The following ULK4 variants were observed in gnomAD, a reference collection of about 807,000 sequenced individuals.
ULK4 encodes the protein unc-51 like kinase 4.
ULK4 carries 133 observed loss-of-function variants against 160.6 expected under a neutral mutation model. That is an observed-to-expected ratio of 0.83 (90% confidence interval 0.72 to 0.96). ULK4 has a LOEUF of 0.96. Among genes scored for constraint, ULK4 ranks in the 40% least tolerant of loss-of-function variants. ULK4 has a pLI of 0.00. For synonymous variants in ULK4, 534 were observed against 539.8 expected, an observed-to-expected ratio of 0.99 and a Z score of 0.15; for missense variants, 1,580 against 1,499.5, an observed-to-expected ratio of 1.05 and a Z score of -0.89.
chr3:41,611,096 T>C (rs920129815), intron 31 of ULK4, among the ~76,000 whole-genome samples: 1 of 152,168 alleles, frequency 6.6e-6, no homozygotes, highest in African/African-American at 2.4e-5. Context: ...GCCAAGACAA[T>C]GGACTCTTCT....
chr3:41,840,106 T>C (rs991516252), intron 17 of ULK4, among the ~76,000 whole-genome samples: 3 of 152,040 alleles, frequency 2.0e-5, no homozygotes, highest in African/African-American at 7.2e-5. Context: ...GGCAAAAGAA[T>C]TAGAACAGCC....
At chr3:41,741,007 TAATTTATATTACTA>T (rs1338794471) in intron 22 of ULK4, among the ~76,000 whole-genome samples, 2 of 151,986 alleles carry the variant, frequency 1.3e-5, no homozygotes, top group Non-Finnish European at 2.9e-5. Context: ...TTTCTGACAA[TAATTTATATTACTA>T]AATTTAATCT....
At chr3:41,824,635 C>T (rs551137165) in intron 18 of ULK4, among the ~76,000 whole-genome samples, 67 of 152,270 alleles carry the variant, frequency 4.4e-4, no homozygotes, top group Middle Eastern at 3.4e-3. Context: ...CCTACCATTG[C>T]CGAGGCTTGA....
chr3:41,469,953 G>T (rs1488479272), intron 32 of ULK4, among the ~76,000 whole-genome samples: 1 of 126,612 alleles, frequency 7.9e-6, no homozygotes, highest in Non-Finnish European at 1.6e-5. Context: ...AAGCCTATAA[G>T]GATTATGGAA....
intron 21 of ULK4, among the ~76,000 whole-genome samples, chr3:41,772,404 C>A (rs1416094988): frequency 6.6e-6 from 1 of 152,000 alleles, no homozygotes; most frequent in African/African-American, 2.4e-5. Context: ...ACCGATCCCA[C>A]AGAAATACAA....
intron 31 of ULK4, among the ~76,000 whole-genome samples, chr3:41,583,335 C>A (rs1021827124): frequency 6.6e-6 from 1 of 152,062 alleles, no homozygotes; most frequent in African/African-American, 2.4e-5. Context: ...TAACCTTTTA[C>A]GGCAATTTGA....
rs1430987865 is a variant in ULK4 at position 41,249,630 on chromosome 3, C to T, written c.3679-56G>A. On this transcript the variant is annotated intron_variant, in intron 35 of 36. Transcript: ENST00000301831. ...CAGCTGACCCGTCCCTGACTCATGC[C>T]CTGTTGGATGGGCACCCTGAGTATC... 7.1e-6 allele frequency: 11 copies of T among 1,556,606 alleles called. No homozygotes were observed. In the Admixed American group the frequency reaches 1.1e-4, roughly 15 times the overall value.
chr3:41,801,066 A>G (rs929772815), intron 19 of ULK4, among the ~76,000 whole-genome samples: 2 of 152,240 alleles, frequency 1.3e-5, no homozygotes, highest in African/African-American at 4.8e-5. Context: ...TAGTAGAAAG[A>G]TATTAAATGG....
intron 17 of ULK4, among the ~76,000 whole-genome samples, chr3:41,866,787 G>A (rs968689363): frequency 1.3e-5 from 2 of 151,822 alleles, no homozygotes; most frequent in Admixed American, 1.3e-4. Context: ...AAACTGGAAG[G>A]TTTTTAATAA....
At chr3:41,774,275 G>A (rs1340514875) in intron 21 of ULK4, among the ~76,000 whole-genome samples, 1 of 151,090 alleles carries the variant, frequency 6.6e-6, no homozygotes, top group Non-Finnish European at 1.5e-5. Context: ...CACCATCAGA[G>A]TGAACAGGCA....
chr3:41,675,184 G>A (rs1439952474), intron 29 of ULK4, among the ~76,000 whole-genome samples: 2 of 151,850 alleles, frequency 1.3e-5, no homozygotes, highest in Non-Finnish European at 2.9e-5. Context: ...AGGTTGCAAT[G>A]AGCCGAGATC....
chr3:41,354,812 A>G (rs1014465489), intron 35 of ULK4, among the ~76,000 whole-genome samples: 4 of 152,214 alleles, frequency 2.6e-5, no homozygotes, highest in Admixed American at 1.3e-4. Context: ...GACACATGTA[A>G]TTGCAGATGA....
intron 32 of ULK4, among the ~76,000 whole-genome samples, chr3:41,557,507 A>T (rs2125587602): frequency 6.6e-6 from 1 of 151,938 alleles, no homozygotes; most frequent in East Asian, 1.9e-4. Context: ...CACACCTGTA[A>T]TACCAACCAG....
At chr3:41,831,012 TTTTATTTA>T (rs1043705438) in intron 18 of ULK4, among the ~76,000 whole-genome samples, 1 of 96,902 alleles carries the variant, frequency 1.0e-5, no homozygotes, top group East Asian at 2.8e-4. Flanking sequence ...TTATTATTTT[TTTTATTTA>T]TTTATTTATT....
intron 21 of ULK4, among the ~76,000 whole-genome samples, chr3:41,765,418 G>A (rs1161824771): frequency 2.0e-5 from 3 of 151,974 alleles, no homozygotes; most frequent in South Asian, 4.2e-4. Flanking sequence ...TGGGGTGGGG[G>A]AGTGGGGAGG....
chr3:41,770,096 T>C (rs1213144819), intron 21 of ULK4, among the ~76,000 whole-genome samples: 3 of 152,252 alleles, frequency 2.0e-5, no homozygotes, highest in Non-Finnish European at 4.4e-5. Context: ...CACACATTTA[T>C]TAATACAGAC....
intron 35 of ULK4, among the ~76,000 whole-genome samples, chr3:41,324,857 T>C (rs1351246746): frequency 6.6e-6 from 1 of 152,204 alleles, no homozygotes; most frequent in Non-Finnish European, 1.5e-5. Flanking sequence ...TTTCTTGTTT[T>C]CCAACCAGCG....
rs183240546 is a variant in ULK4 at position 41,912,685 on chromosome 3, G to A, written c.896+122C>T. Reference sequence around the variant, plus strand: ...TCAAGCAACCCTTAATTAAACAAACGCTGGATTTTCTCCTACTACGAAAGC... The same window carrying A: ...TCAAGCAACCCTTAATTAAACAAACACTGGATTTTCTCCTACTACGAAAGC... On this transcript the variant is annotated intron_variant, in intron 9 of 36. Coordinates refer to ENST00000301831, the MANE Select transcript of ULK4 (RefSeq NM_017886.4). 2.7e-5 allele frequency: 21 copies of A among 785,798 alleles called. 1 individual carries two copies. In the East Asian group the frequency reaches 3.4e-4, roughly 13 times the overall value. The allele number at this position is 785,798 out of a possible 1,614,324, so 48.7% of individuals were successfully genotyped here. A position where few individuals can be genotyped will look rare whatever the true frequency, so the allele number is the denominator to read the frequency against.
At chr3:41,499,704 T>C (rs968035448) in intron 32 of ULK4, among the ~76,000 whole-genome samples, 4 of 152,166 alleles carry the variant, frequency 2.6e-5, no homozygotes, top group Non-Finnish European at 4.4e-5. Context: ...TTGAACAAAA[T>C]GGAATATCCC....
Sources: allele counts gnomAD v4.1 joint callset (sites outside exome capture counted in the v4.1 genomes callset), GRCh38; gene constraint gnomAD v4.1.1; transcripts MANE v1.5; gene names NCBI Gene and HGNC (gene_info 2026-07-23, HGNC 2026-07-21).